The following SNTG1 variants were observed in gnomAD, a reference collection of about 807,000 sequenced individuals.
SNTG1 encodes syntrophin gamma 1, also known as gamma-1-syntrophin.
A neutral mutation model predicts 74.7 loss-of-function variants in SNTG1; 39 were observed. The observed-to-expected ratio is 0.52, with a 90% CI of 0.40 to 0.68. The LOEUF is 0.68. SNTG1 is among the 30% of genes least tolerant of loss of function. SNTG1 has a pLI of 0.00. For missense variants in SNTG1, 685 were observed against 609.5 expected (o/e 1.12, Z -1.30); for synonymous variants, 254 against 217.1 (o/e 1.17, Z -1.49).
intron 8 of SNTG1, among the ~76,000 whole-genome samples, chr8:50,483,723 T>C (rs2093759777): frequency 6.6e-6 from 1 of 152,258 alleles, no homozygotes; most frequent in South Asian, 2.1e-4. Flanking sequence ...CATTTTGTGA[T>C]AATACGCATA....
intron 12 of SNTG1, among the ~76,000 whole-genome samples, chr8:50,563,052 A>G (rs2094497180): frequency 1.3e-5 from 2 of 152,332 alleles, no homozygotes; most frequent in African/African-American, 4.8e-5. Flanking sequence ...GAGAAGCCAC[A>G]CAAGACGAGA....
chr8:50,099,002 G>C (rs976811561), intron 1 of SNTG1, among the ~76,000 whole-genome samples: 2 of 152,178 alleles, frequency 1.3e-5, no homozygotes, highest in Admixed American at 6.6e-5. Flanking sequence ...CCATCTAGAG[G>C]TTACAGAAGG....
intron 1 of SNTG1, among the ~76,000 whole-genome samples, chr8:50,094,780 A>G (rs1300786992): frequency 6.6e-6 from 1 of 152,190 alleles, no homozygotes; most frequent in Non-Finnish European, 1.5e-5. Flanking sequence ...CAGAACTGCT[A>G]TTGGACCCAG....
chr8:50,299,772 C>T (rs2089561666), intron 2 of SNTG1, among the ~76,000 whole-genome samples: 1 of 152,020 alleles, frequency 6.6e-6, no homozygotes, highest in Non-Finnish European at 1.5e-5. Context: ...AGCCCTATTT[C>T]AAGGGCTCAG....
chr8:50,640,876 C>T (rs950332072), intron 13 of SNTG1, among the ~76,000 whole-genome samples: 1 of 152,152 alleles, frequency 6.6e-6, no homozygotes, highest in Non-Finnish European at 1.5e-5. Flanking sequence ...ACTGTAGCCC[C>T]TCTTGTGCCC....
chr8:50,748,180 G>T (rs909614410), intron 17 of SNTG1, among the ~76,000 whole-genome samples: 3 of 151,894 alleles, frequency 2.0e-5, no homozygotes, highest in Non-Finnish European at 4.4e-5. Context: ...ACGAGGAAAA[G>T]TTATGCATAT....
At chr8:50,045,709 G>C (rs1342599637) in intron 1 of SNTG1, among the ~76,000 whole-genome samples, 1 of 152,130 alleles carries the variant, frequency 6.6e-6, no homozygotes, top group Admixed American at 6.5e-5. Context: ...ATTACATATA[G>C]TAAGACAAAT....
intron 8 of SNTG1, among the ~76,000 whole-genome samples, chr8:50,481,944 G>T (rs1478588319): frequency 6.6e-6 from 1 of 152,202 alleles, no homozygotes; most frequent in Non-Finnish European, 1.5e-5. Flanking sequence ...AATGGAAACA[G>T]TTCTGGTCCT....
chr8:50,437,806 C>G (rs1366022234), intron 4 of SNTG1, among the ~76,000 whole-genome samples: 2 of 152,112 alleles, frequency 1.3e-5, no homozygotes, highest in African/African-American at 4.8e-5. Flanking sequence ...AAAATCAGAG[C>G]AGTATCGATT....
rs138915866 is a variant in SNTG1, at chr8:50,711,538, G to T, written c.1284+2560G>T. ...ATTCTTAATACATCAGTGAAGGAAAGAATTGCTGCATCTCTCTTATTGCAG... is the reference window on the plus strand; with the variant it reads ...ATTCTTAATACATCAGTGAAGGAAATAATTGCTGCATCTCTCTTATTGCAG... On this transcript the variant is annotated intron_variant, in intron 17 of 18. Coordinates refer to ENST00000642720, the MANE Select transcript of SNTG1 (RefSeq NM_018967.5). 2.0e-5 allele frequency among the ~76,000 whole-genome samples: 3 copies of T among 152,262 alleles called. No individual in the cohort carries two copies. The East Asian group carries it at 5.8e-4, about 29-fold the overall frequency.
chr8:50,733,259 A>G (rs548653086), intron 17 of SNTG1, among the ~76,000 whole-genome samples: 1 of 151,940 alleles, frequency 6.6e-6, no homozygotes, highest in East Asian at 1.9e-4. Flanking sequence ...AAAGGGAAAG[A>G]TTTTATTCTT....
chr8:50,298,281 A>G (rs2089484335), intron 2 of SNTG1, among the ~76,000 whole-genome samples: 1 of 152,156 alleles, frequency 6.6e-6, no homozygotes, highest in African/African-American at 2.4e-5. Flanking sequence ...AAATTTGGAA[A>G]CATCTCTAGG....
chr8:50,360,978 C>G (rs984961897), intron 2 of SNTG1, among the ~76,000 whole-genome samples: 1 of 152,136 alleles, frequency 6.6e-6, no homozygotes, highest in African/African-American at 2.4e-5. Flanking sequence ...CCTTATCTTA[C>G]TGTAATTTTT....
intron 11 of SNTG1, among the ~76,000 whole-genome samples, chr8:50,543,949 AC>A (rs2094367157): frequency 2.0e-5 from 3 of 151,926 alleles, no homozygotes; most frequent in Admixed American, 1.3e-4. Flanking sequence ...CTTTTTATGT[AC>A]TTATTTGCCA....
chr8:50,432,951 G>A (rs146878191), intron 4 of SNTG1, among the ~76,000 whole-genome samples: 12 of 151,610 alleles, frequency 7.9e-5, no homozygotes, highest in African/African-American at 1.7e-4. Flanking sequence ...CTCCATGCTC[G>A]GCTAATTTTT....
chr8:50,426,216 A>G (rs2093161557), intron 4 of SNTG1, among the ~76,000 whole-genome samples: 2 of 152,248 alleles, frequency 1.3e-5, no homozygotes, highest in South Asian at 4.2e-4. Context: ...ACACCTCTGT[A>G]TGTAGTCCTC....
chr8:50,266,444 T>G (rs1037792311), intron 2 of SNTG1, among the ~76,000 whole-genome samples: 1 of 151,808 alleles, frequency 6.6e-6, no homozygotes, highest in Non-Finnish European at 1.5e-5. Context: ...TTAAAATAGA[T>G]TATAGGTTTC....
chr8:49,926,316 T>A (rs562177027), intron 1 of SNTG1, among the ~76,000 whole-genome samples: 1 of 152,070 alleles, frequency 6.6e-6, no homozygotes, highest in Non-Finnish European at 1.5e-5. Flanking sequence ...ACACAATTTG[T>A]ACAAGTATAA....
chr8:50,362,462 C>A (rs1339052093), intron 2 of SNTG1, among the ~76,000 whole-genome samples: 1 of 152,072 alleles, frequency 6.6e-6, no homozygotes, highest in South Asian at 2.1e-4. Flanking sequence ...TCTTTAATAT[C>A]TAAAGTTGAT....
Sources: allele counts gnomAD v4.1 joint callset (sites outside exome capture counted in the v4.1 genomes callset), GRCh38; gene constraint gnomAD v4.1.1; transcripts MANE v1.5; gene names NCBI Gene and HGNC (gene_info 2026-07-23, HGNC 2026-07-21).